Variants in RAPGEF4 observed in about 807,000 individuals in gnomAD.
RAPGEF4 encodes the protein RAP guanine-nucleotide-exchange factor (GEF) 4.
A neutral mutation model predicts 147.9 loss-of-function variants in RAPGEF4; 66 were observed. The observed-to-expected ratio is 0.45, with a 90% CI of 0.37 to 0.55. The LOEUF (loss-of-function observed/expected upper bound fraction) is 0.55. RAPGEF4 is among the 20% of genes least tolerant of loss of function. RAPGEF4 has a pLI of 0.00. For synonymous variants in RAPGEF4, 419 were observed against 442.7 expected (o/e 0.95, Z 0.67); for missense variants, 1,071 against 1,257.3 (o/e 0.85, Z 2.24).
chr2:172,783,090 AC>A (rs1377377026), intron 1 of RAPGEF4, among the ~76,000 whole-genome samples: 2 of 152,224 alleles, frequency 1.3e-5, no homozygotes, highest in African/African-American at 4.8e-5. Flanking sequence ...CTCTTCACTT[AC>A]AAATGCAGGG....
At chr2:172,937,631 C>T (rs1381674548) in intron 6 of RAPGEF4, among the ~76,000 whole-genome samples, 1 of 152,126 alleles carries the variant, frequency 6.6e-6, no homozygotes, top group Non-Finnish European at 1.5e-5. Flanking sequence ...ACAACTCCTG[C>T]CCCGCTTTCC....
At chr2:172,947,575 C>T (rs988062294) in intron 6 of RAPGEF4, among the ~76,000 whole-genome samples, 1 of 152,144 alleles carries the variant, frequency 6.6e-6, no homozygotes, top group Non-Finnish European at 1.5e-5. Flanking sequence ...AGCATATATG[C>T]ATTCTCTTTT....
chr2:172,857,282 T>C (rs1693535113), intron 4 of RAPGEF4, among the ~76,000 whole-genome samples: 1 of 152,118 alleles, frequency 6.6e-6, no homozygotes, highest in Non-Finnish European at 1.5e-5. Context: ...CAAATCCAAG[T>C]CTTAGGATTT....
chr2:172,854,057 T>C (rs1229465272), intron 4 of RAPGEF4, among the ~76,000 whole-genome samples: 1 of 152,052 alleles, frequency 6.6e-6, no homozygotes, highest in Non-Finnish European at 1.5e-5. Flanking sequence ...TTGAAAAGAA[T>C]GTGCATTCTG....
intron 29 of RAPGEF4, among the ~76,000 whole-genome samples, chr2:173,044,782 C>T (rs916373637): frequency 6.6e-6 from 1 of 152,164 alleles, no homozygotes; most frequent in Non-Finnish European, 1.5e-5. Context: ...GGCATGTTTG[C>T]CCCACATTTA....
At chr2:172,963,237 G>A (rs1406012232) in intron 8 of RAPGEF4, among the ~76,000 whole-genome samples, 2 of 152,164 alleles carry the variant, frequency 1.3e-5, no homozygotes, top group Non-Finnish European at 2.9e-5. Flanking sequence ...AATTTGAGAT[G>A]AGATTTGTGG....
intron 3 of RAPGEF4, among the ~76,000 whole-genome samples, chr2:172,811,902 A>G (rs1368361331): frequency 1.3e-5 from 2 of 152,220 alleles, no homozygotes; most frequent in Admixed American, 1.3e-4. Flanking sequence ...CCTGTGATTT[A>G]AATGTAAATA....
intron 4 of RAPGEF4, among the ~76,000 whole-genome samples, chr2:172,889,612 A>AATATATATGTATATATATGTATATATAC (rs1559100169): frequency 1.1e-4 from 17 of 151,796 alleles, no homozygotes; most frequent in Admixed American, 2.0e-4. Context: ...GCTTTAATCA[A>AATATATATGTATATATATGTATATATAC]ATATATATGT....
intron 16 of RAPGEF4, among the ~76,000 whole-genome samples, chr2:172,999,023 G>T (rs892585372): frequency 6.6e-6 from 1 of 152,108 alleles, no homozygotes; most frequent in Non-Finnish European, 1.5e-5. Flanking sequence ...GTTTAGTTTT[G>T]TTTTTTTAAT....
At chr2:172,899,522 A>G (rs1402633880) in intron 4 of RAPGEF4, among the ~76,000 whole-genome samples, 2 of 152,228 alleles carry the variant, frequency 1.3e-5, no homozygotes, top group Non-Finnish European at 2.9e-5. Context: ...CAAGGAAGCC[A>G]GAATGTGCTT....
chr2:172,830,373 G>A (rs1690161139), intron 4 of RAPGEF4, among the ~76,000 whole-genome samples: 1 of 152,080 alleles, frequency 6.6e-6, no homozygotes, highest in African/African-American at 2.4e-5. Context: ...TTGATTCATT[G>A]CCCTTTTAAA....
chr2:172,759,549 G>A (rs559059425), intron 1 of RAPGEF4, among the ~76,000 whole-genome samples: 32 of 152,284 alleles, frequency 2.1e-4, no homozygotes, highest in African/African-American at 7.2e-4. Context: ...TGAGGCATGC[G>A]AGCCGCTGTG....
At chr2:172,820,978 C>T (rs1354727870) in intron 4 of RAPGEF4, among the ~76,000 whole-genome samples, 1 of 152,156 alleles carries the variant, frequency 6.6e-6, no homozygotes, top group Non-Finnish European at 1.5e-5. Context: ...TTTGAAGCAA[C>T]AGCAGCTTAG....
chr2:172,739,319 A>AT (rs1165646247), intron 1 of RAPGEF4, among the ~76,000 whole-genome samples: 7 of 151,838 alleles, frequency 4.6e-5, no homozygotes, highest in Non-Finnish European at 1.0e-4. Flanking sequence ...GATAGGTAAA[A>AT]TGTCCTTTCT....
chr2:172,870,534 T>G (rs553672218), intron 4 of RAPGEF4, among the ~76,000 whole-genome samples: 195 of 152,256 alleles, frequency 1.3e-3, no homozygotes, highest in African/African-American at 4.6e-3. Flanking sequence ...CTATTCCTGG[T>G]TTTGAGAAGC....
intron 8 of RAPGEF4, among the ~76,000 whole-genome samples, chr2:172,962,843 C>T (rs905542030): frequency 3.9e-5 from 6 of 152,054 alleles, no homozygotes; most frequent in African/African-American, 1.4e-4. Flanking sequence ...TTTGTAAGTC[C>T]TGTTCTCCAA....
intron 4 of RAPGEF4, among the ~76,000 whole-genome samples, chr2:172,865,984 C>T (rs1037236388): frequency 6.6e-6 from 1 of 151,968 alleles, no homozygotes; most frequent in African/African-American, 2.4e-5. Flanking sequence ...TGTCCTGGAC[C>T]CCATTCACTC....
At chr2:172,941,624 C>T (rs1022988363) in intron 6 of RAPGEF4, among the ~76,000 whole-genome samples, 7 of 152,172 alleles carry the variant, frequency 4.6e-5, no homozygotes, top group African/African-American at 1.7e-4. Flanking sequence ...AGGGTAGAAC[C>T]TGTGTTTATG....
chr2:172,995,902 G>A (rs1236712305), intron 15 of RAPGEF4, among the ~76,000 whole-genome samples: 1 of 152,164 alleles, frequency 6.6e-6, no homozygotes, highest in Non-Finnish European at 1.5e-5. Context: ...ACTGGGGTTT[G>A]TTTGTTTGCT....
Sources: gnomAD v4.1 joint callset for allele counts (sites outside exome capture counted in the v4.1 genomes callset) on GRCh38, gnomAD v4.1.1 for gene constraint, MANE v1.5 for transcripts, NCBI Gene and HGNC (gene_info 2026-07-23, HGNC 2026-07-21) for gene names.